TENM4: variants seen among roughly 807,000 people sequenced by gnomAD.
The protein encoded by TENM4 is teneurin-4.
TENM4 carries 82 observed loss-of-function variants against 243.3 expected under a neutral mutation model. That is an observed-to-expected ratio of 0.34 (90% confidence interval 0.28 to 0.40). The LOEUF is 0.40. Among genes scored for constraint, TENM4 ranks in the 10% least tolerant of loss-of-function variants. TENM4 has a pLI of 1.00. For missense variants in TENM4, 3,138 were observed against 3,673.3 expected, an observed-to-expected ratio of 0.85 and a Z score of 3.77; for synonymous variants, 1,412 against 1,456.3, an observed-to-expected ratio of 0.97 and a Z score of 0.69.
chr11:79,273,157 T>G (rs1165259640), intron 2 of TENM4, among the ~76,000 whole-genome samples: 2 of 152,194 alleles, frequency 1.3e-5, no homozygotes, highest in Non-Finnish European at 2.9e-5. Flanking sequence ...TTTCTCCATC[T>G]GTAAAATGGG....
At chr11:78,769,270 G>T (rs1198970513) in intron 18 of TENM4, among the ~76,000 whole-genome samples, 1 of 152,194 alleles carries the variant, frequency 6.6e-6, no homozygotes, top group Non-Finnish European at 1.5e-5. Context: ...AATACACTTT[G>T]CCTTGTCTGA....
At chr11:78,926,361 C>T (rs1217409693) in intron 6 of TENM4, among the ~76,000 whole-genome samples, 1 of 150,550 alleles carries the variant, frequency 6.6e-6, no homozygotes, top group African/African-American at 2.4e-5. Context: ...ACTGTCTCTG[C>T]CTCCCGGGTT....
chr11:79,309,715 AG>A (rs1856687002), intron 1 of TENM4, among the ~76,000 whole-genome samples: 1 of 152,200 alleles, frequency 6.6e-6, no homozygotes, highest in South Asian at 2.1e-4. Context: ...TGGGGCTGGA[AG>A]GGGCCCTCAT....
chr11:79,056,869 G>T (rs1220563032), intron 6 of TENM4, among the ~76,000 whole-genome samples: 4 of 152,230 alleles, frequency 2.6e-5, no homozygotes, highest in Non-Finnish European at 5.9e-5. Flanking sequence ...GTAGCTGTGA[G>T]GCTGGGAGAA....
chr11:79,009,912 C>T (rs1235269910), intron 6 of TENM4, among the ~76,000 whole-genome samples: 1 of 152,102 alleles, frequency 6.6e-6, no homozygotes, highest in Non-Finnish European at 1.5e-5. Context: ...GGAGGTAATT[C>T]AGTCATGGGG....
intron 3 of TENM4, among the ~76,000 whole-genome samples, chr11:79,189,302 C>T (rs1333552958): frequency 6.6e-6 from 1 of 152,206 alleles, no homozygotes; most frequent in Non-Finnish European, 1.5e-5. Flanking sequence ...AAGATCCCTT[C>T]CCTTTTTCAG....
At chr11:79,270,249 G>A (rs941550989) in intron 2 of TENM4, among the ~76,000 whole-genome samples, 3 of 152,140 alleles carry the variant, frequency 2.0e-5, no homozygotes, top group African/African-American at 7.2e-5. Flanking sequence ...GGTGTAACTG[G>A]CACTTAGCAC....
At position 79,090,356 on chromosome 11, in the gene TENM4, G is replaced by A. The variant is rs543143173; in HGVS notation, c.-65-20347C>T. ...CTAATTGGTTACAAACACCACCTGA[G>A]GGCACAGATATTTGTCAGCGTGACT... On this transcript the variant is annotated intron_variant, in intron 4 of 33. Coordinates refer to ENST00000278550, the MANE Select transcript of TENM4 (RefSeq NM_001098816.3). 1.7e-4 allele frequency among the ~76,000 whole-genome samples: 26 copies of A among 152,372 alleles called. 1 individual carries two copies. The highest frequency in any genetic ancestry group is 6.0e-4 in the African/African-American group (25 of 41,574).
chr11:79,081,534 G>GGAGTGTGTGTGTGT (rs1555004509), intron 4 of TENM4, among the ~76,000 whole-genome samples: 2 of 148,176 alleles, frequency 1.3e-5, no homozygotes, highest in South Asian at 4.4e-4. Flanking sequence ...TGTCAGAGGT[G>GGAGTGTGTGTGTGT]GTGTGTGTGT....
intron 3 of TENM4, among the ~76,000 whole-genome samples, chr11:79,170,263 A>G (rs2135114213): frequency 6.6e-6 from 1 of 152,250 alleles, no homozygotes; most frequent in East Asian, 1.9e-4. Flanking sequence ...CTGTCACATC[A>G]GGAGCCCAGC....
chr11:79,282,181 A>T (rs1215456411), intron 2 of TENM4, among the ~76,000 whole-genome samples: 1 of 152,218 alleles, frequency 6.6e-6, no homozygotes, highest in Non-Finnish European at 1.5e-5. Context: ...ATGTAAAATG[A>T]TCTCTCCTTT....
chr11:78,864,110 A>C, intron 9 of TENM4, among the ~76,000 whole-genome samples: 1 of 152,180 alleles, frequency 6.6e-6, no homozygotes, highest in East Asian at 1.9e-4. Context: ...TGTATAAAAT[A>C]TTTCTGGTAG....
At chr11:78,672,381 T>A in intron 30 of TENM4, 52 bp from the exon 31 acceptor site, 1 of 1,567,396 alleles carries the variant, frequency 6.4e-7, no homozygotes, top group Non-Finnish European at 8.7e-7. Context: ...CATGAGAACT[T>A]TGGTCTGATG....
intron 6 of TENM4, among the ~76,000 whole-genome samples, chr11:78,995,045 A>C (rs890261403): frequency 1.3e-5 from 2 of 152,242 alleles, no homozygotes; most frequent in Non-Finnish European, 2.9e-5. Flanking sequence ...TGACAAAGTT[A>C]TGCCAAGAGT....
At chr11:79,386,125 A>G (rs966352233) in intron 1 of TENM4, among the ~76,000 whole-genome samples, 3 of 152,198 alleles carry the variant, frequency 2.0e-5, no homozygotes, top group Non-Finnish European at 4.4e-5. Flanking sequence ...ATGATCAGCC[A>G]CCTGATCTAT....
intron 4 of TENM4, among the ~76,000 whole-genome samples, chr11:79,087,793 G>A (rs1182546321): frequency 6.6e-6 from 1 of 152,204 alleles, no homozygotes; most frequent in Non-Finnish European, 1.5e-5. Flanking sequence ...GACTCTAGCT[G>A]AGGAGGCCCT....
In TENM4 at chr11:78,669,200, T is replaced by C. The variant is rs1214775325; in HGVS notation, c.7145A>G (p.Tyr2382Cys). The change falls in exon 32 of 34, where the codon TAC (tyrosine) becomes TGC (cysteine). Residue 2382 changes from tyrosine (Y) to cysteine (C), a missense_variant. Transcript: ENST00000278550. The surrounding 1 kb of genome is among the most constrained non-coding windows in gnomAD (Gnocchi z 6.4). The stretch of plus-strand genomic sequence containing the variant: ...CATGTAGATCTCCCCATAGGCTGTG[T>C]ACAGGATTTGCTTGATCATCAAACC... ...GTGLMIKQIL[Y>C]TAYGEIYMDT... 1 of 1,613,838 alleles carries C rather than the reference T, an allele frequency of 6.2e-7. No individual in the cohort carries two copies. The highest frequency in any genetic ancestry group is 8.5e-7 in the Non-Finnish European group (1 of 1,179,894).
At chr11:79,049,403 T>C (rs971279492) in intron 6 of TENM4, among the ~76,000 whole-genome samples, 4 of 152,208 alleles carry the variant, frequency 2.6e-5, no homozygotes, top group Non-Finnish European at 4.4e-5. Flanking sequence ...GGAGGATGAC[T>C]AGAGAAAGAA....
intron 2 of TENM4, among the ~76,000 whole-genome samples, chr11:79,288,420 ACT>A (rs1308351762): frequency 6.6e-6 from 1 of 152,156 alleles, no homozygotes; most frequent in Non-Finnish European, 1.5e-5. Flanking sequence ...AACTCTTATC[ACT>A]CTGCAGTTAT....
Sources: gnomAD v4.1 joint callset for allele counts (sites outside exome capture counted in the v4.1 genomes callset) on GRCh38, gnomAD v4.1.1 for gene constraint, Gnocchi (gnomAD v3.1) non-coding constraint, MANE v1.5 for transcripts, NCBI Gene and HGNC (gene_info 2026-07-23, HGNC 2026-07-21) for gene names.